ABL2: variants seen among roughly 807,000 people sequenced by gnomAD.
The protein encoded by ABL2 is ABL proto-oncogene 2, non-receptor tyrosine kinase.
A neutral mutation model predicts 107.7 loss-of-function variants in ABL2; 49 were observed. The observed-to-expected ratio is 0.45, with a 90% confidence interval of 0.36 to 0.58. The LOEUF (loss-of-function observed/expected upper bound fraction) is 0.58, where lower values mean the gene tolerates loss of function less well. Among genes scored for constraint, ABL2 ranks in the 20% least tolerant of loss-of-function variants. The pLI, the probability that ABL2 is intolerant of heterozygous loss-of-function variation, is 0.00. For synonymous variants in ABL2, 549 were observed against 548.6 expected (o/e 1.00, Z -0.01); for missense variants, 1,245 against 1,457.0 (o/e 0.85, Z 2.37).
At chr1:179,186,011 C>T (rs1003073641) in intron 1 of ABL2, among the ~76,000 whole-genome samples, 7 of 151,926 alleles carry the variant, frequency 4.6e-5, no homozygotes, top group Admixed American at 6.6e-5. Context: ...CTGGGAGGCC[C>T]GGGCGGGGAG....
rs1032816901 is a variant in ABL2, at chr1:179,101,652, C to T, written c.*6066G>A. The T allele has an allele frequency of 7.3e-5, 13 of 177,422 alleles. No individual in the cohort carries two copies. Among genetic ancestry groups the T allele is most frequent in the African/African-American group, 1.7e-4 (7 of 42,238 alleles). The allele number at this position is 177,422 out of a possible 1,614,324, so 11.0% of individuals were successfully genotyped here. A position where few individuals can be genotyped will look rare whatever the true frequency, so the allele number is the denominator to read the frequency against. On this transcript the variant is annotated 3_prime_UTR_variant, in exon 12 of 12. Coordinates refer to ENST00000502732, the MANE Select transcript of ABL2 (RefSeq NM_007314.4). ...TCCCAAAGTGCTGGGATTACAGGCA[C>T]GAGCCACTGTGCCCAGCCAAAAGGT...
chr1:179,226,523 G>C (rs1345721562), intron 1 of ABL2, among the ~76,000 whole-genome samples: 1 of 151,838 alleles, frequency 6.6e-6, no homozygotes, highest in Non-Finnish European at 1.5e-5. Flanking sequence ...TGCTCAGGCT[G>C]GTCTCGAACT....
chr1:179,104,746 T>A lies in ABL2; in HGVS notation c.*2972A>T. 1 of 216,632 alleles carries A rather than the reference T, an allele frequency of 4.6e-6. No homozygotes were observed. Among genetic ancestry groups the A allele is most frequent in the Non-Finnish European group, 9.3e-6 (1 of 107,524 alleles). 13.4% of individuals were successfully genotyped at this position (216,632 alleles called of 1,614,324 possible). On this transcript the variant is annotated 3_prime_UTR_variant, in exon 12 of 12. Transcript: ENST00000502732. ...AAACTGAAGTAATATTATCTGTACA[T>A]GAAAGGAATCAAGCAGTGGCAGCCC...
chr1:179,144,830 T>G (rs1657879178), intron 1 of ABL2, among the ~76,000 whole-genome samples: 1 of 152,168 alleles, frequency 6.6e-6, no homozygotes, highest in African/African-American at 2.4e-5. Context: ...AATACCAGAT[T>G]GAATATCTCA....
At chr1:179,222,397 T>C (rs1002799368) in intron 1 of ABL2, among the ~76,000 whole-genome samples, 2 of 143,374 alleles carry the variant, frequency 1.4e-5, no homozygotes, top group Non-Finnish European at 3.0e-5. Flanking sequence ...GCCTGGCTAA[T>C]TTTTTTTTTT....
chr1:179,196,252 T>C (rs1661301639), intron 1 of ABL2, among the ~76,000 whole-genome samples: 1 of 152,252 alleles, frequency 6.6e-6, no homozygotes, highest in Non-Finnish European at 1.5e-5. Flanking sequence ...TGGAGTTCTG[T>C]GTTTTTCTAT....
In ABL2 at chr1:179,229,399, C is replaced by A; in HGVS notation, c.-2G>T. 1 of 1,524,022 alleles carries A rather than the reference C, an allele frequency of 6.6e-7. No homozygotes were observed. Among genetic ancestry groups the A allele is most frequent in the East Asian group, 2.5e-5 (1 of 40,072 alleles). The allele number at this position is 1,524,022 out of a possible 1,614,324, so 94.4% of individuals were successfully genotyped here. On this transcript the variant is annotated 5_prime_UTR_variant, in exon 1 of 12. Coordinates refer to ENST00000502732, the MANE Select transcript of ABL2 (RefSeq NM_007314.4). ...GACGCGGCCCACCTGCTGCCCCATC[C>A]CTGCTCTCGCGTACTCCCGCGCCCC...
At chr1:179,120,510 C>T (rs1215118878) in intron 5 of ABL2, among the ~76,000 whole-genome samples, 1 of 152,084 alleles carries the variant, frequency 6.6e-6, no homozygotes, top group East Asian at 1.9e-4. Context: ...CTGCAACCTC[C>T]GCTTCCTGGG....
chr1:179,184,296 G>C, intron 1 of ABL2: 1 of 540,208 alleles, frequency 1.9e-6, no homozygotes, highest in Non-Finnish European at 3.4e-6. Flanking sequence ...TATCTTCAAC[G>C]AATTTCATTT....
intron 1 of ABL2, among the ~76,000 whole-genome samples, chr1:179,207,629 A>G (rs1304178078): frequency 1.3e-5 from 2 of 152,206 alleles, no homozygotes; most frequent in African/African-American, 4.8e-5. Flanking sequence ...TCATAACTCT[A>G]TGAGGTAGGT....
intron 1 of ABL2, among the ~76,000 whole-genome samples, chr1:179,224,359 G>A (rs149111173): frequency 0.022 from 3,331 of 151,692 alleles, 65 homozygotes; most frequent in Middle Eastern, 0.054. Flanking sequence ...CTCCGCCTCC[G>A]GGGTTCAGGG....
chr1:179,167,980 AAAAC>A (rs1329262152), intron 1 of ABL2, among the ~76,000 whole-genome samples: 2 of 152,356 alleles, frequency 1.3e-5, no homozygotes, highest in Non-Finnish European at 2.9e-5. Context: ...CTCCATCTCA[AAAAC>A]AAACAAACAA....
intron 1 of ABL2, among the ~76,000 whole-genome samples, chr1:179,206,674 G>A (rs1278986719): frequency 6.6e-6 from 1 of 152,098 alleles, no homozygotes; most frequent in Non-Finnish European, 1.5e-5. Context: ...CTGGTGATTT[G>A]GATTGCCAAA....
chr1:179,114,350 GTGAGCCGAAATCACGTCAC>G (rs60644325), intron 9 of ABL2, among the ~76,000 whole-genome samples: 97,034 of 150,468 alleles, frequency 0.64, 31,569 homozygotes, highest in Middle Eastern at 0.74. Flanking sequence ...AGAGGTTTCA[GTGAGCCGAAATCACGTCAC>G]TGAGCCGAAA....
chr1:179,184,762 CT>C (rs534418071), intron 1 of ABL2, among the ~76,000 whole-genome samples: 6 of 152,124 alleles, frequency 3.9e-5, no homozygotes, highest in East Asian at 3.9e-4. Flanking sequence ...AAGTTGCAGT[CT>C]TTTTTTTCCC....
At chr1:179,170,731 A>C (rs992402036) in intron 1 of ABL2, among the ~76,000 whole-genome samples, 1 of 152,182 alleles carries the variant, frequency 6.6e-6, no homozygotes, top group Non-Finnish European at 1.5e-5. Flanking sequence ...AGTAGCTGGG[A>C]TTACAGGCAC....
chr1:179,138,465 G>GC (rs1464445497), intron 1 of ABL2, among the ~76,000 whole-genome samples: 1 of 152,200 alleles, frequency 6.6e-6, no homozygotes, highest in Non-Finnish European at 1.5e-5. Context: ...AATACCACAT[G>GC]CAAGGCACTG....
intron 1 of ABL2, chr1:179,221,610 C>A: frequency 5.7e-6 from 1 of 175,224 alleles, no homozygotes. Flanking sequence ...ACAAAAACAA[C>A]CTATTATGGC....
chr1:179,118,020 G>C (rs1245197009), intron 7 of ABL2, among the ~76,000 whole-genome samples: 1 of 152,104 alleles, frequency 6.6e-6, no homozygotes, highest in Non-Finnish European at 1.5e-5. Flanking sequence ...GGGCATGGTG[G>C]CATATTCCCG....
Sources: gnomAD v4.1 joint callset for allele counts (sites outside exome capture counted in the v4.1 genomes callset) on GRCh38, gnomAD v4.1.1 for gene constraint, MANE v1.5 for transcripts, NCBI Gene and HGNC (gene_info 2026-07-23, HGNC 2026-07-21) for gene names.